Variants in TBX20 observed in about 807,000 individuals in gnomAD.
The protein encoded by TBX20 is T-box transcription factor 20.
A neutral mutation model predicts 42.9 loss-of-function variants in TBX20; 8 were observed. That is an observed-to-expected ratio of 0.19 (90% CI 0.11 to 0.34). The LOEUF (loss-of-function observed/expected upper bound fraction) is 0.34, where lower values mean the gene tolerates loss of function less well. Ranked by LOEUF, TBX20 falls within the 10% of genes least tolerant of loss-of-function variation. The probability of loss-of-function intolerance (pLI) is 1.00; values close to 1 mark genes in which losing one functional copy is unlikely to be tolerated. For synonymous variants in TBX20, 198 were observed against 222.8 expected, an observed-to-expected ratio of 0.89 and a Z score of 0.99; for missense variants, 411 against 566.0, an observed-to-expected ratio of 0.73 and a Z score of 2.78.
rs560009514 is a variant in TBX20, at chr7:35,246,120, T to C, written c.546-1063A>G. Among the ~76,000 whole-genome samples the C allele has an allele frequency of 5.9e-5, 9 of 152,342 alleles. No homozygotes were observed. The East Asian group carries it at 1.2e-3, about 20-fold the overall frequency. Reference sequence around the variant, plus strand: ...TGTAAAGAACAAGAAATCTGTTCCATGGTTTGTCACACAGAGGACTACGAA... The same window carrying C: ...TGTAAAGAACAAGAAATCTGTTCCACGGTTTGTCACACAGAGGACTACGAA... On this transcript the variant is annotated intron_variant, in intron 3 of 7. Transcript: ENST00000408931.
intron 6 of TBX20, among the ~76,000 whole-genome samples, chr7:35,213,389 G>T (rs1789530271): frequency 6.6e-6 from 1 of 152,158 alleles, no homozygotes; most frequent in South Asian, 2.1e-4. Context: ...ATTCCAATGA[G>T]CAGGCAAGTT....
intron 6 of TBX20, among the ~76,000 whole-genome samples, chr7:35,221,415 C>G (rs1379774050): frequency 6.6e-6 from 1 of 151,822 alleles, no homozygotes; most frequent in Non-Finnish European, 1.5e-5. Context: ...AATAAAAACA[C>G]TACAACTGAA....
intron 6 of TBX20, among the ~76,000 whole-genome samples, chr7:35,215,110 T>C (rs1180258341): frequency 6.6e-6 from 1 of 152,206 alleles, no homozygotes; most frequent in African/African-American, 2.4e-5. Context: ...GTGAAACATT[T>C]TGCTTTTCTG....
intron 1 of TBX20, among the ~76,000 whole-genome samples, chr7:35,252,875 C>G (rs990021626): frequency 5.9e-5 from 9 of 152,166 alleles, no homozygotes; most frequent in African/African-American, 2.2e-4. Flanking sequence ...AACAACATAA[C>G]TAAAAGTAGA....
intron 4 of TBX20, among the ~76,000 whole-genome samples, chr7:35,241,486 A>G (rs1474996961): frequency 7.6e-6 from 1 of 131,806 alleles, no homozygotes; most frequent in African/African-American, 2.6e-5. Flanking sequence ...GGGGTGTTAG[A>G]CAGACTTGGG....
At chr7:35,250,707 G>A (rs952532693) in intron 1 of TBX20, among the ~76,000 whole-genome samples, 11 of 152,172 alleles carry the variant, frequency 7.2e-5, no homozygotes, top group African/African-American at 2.7e-4. Context: ...CTCTCCATAA[G>A]AGAAAAGGAA....
intron 3 of TBX20, among the ~76,000 whole-genome samples, chr7:35,246,193 C>T (rs962296737): frequency 6.6e-6 from 1 of 152,106 alleles, no homozygotes; most frequent in African/African-American, 2.4e-5. Flanking sequence ...CCACCAGGAG[C>T]AATGCACAAA....
chr7:35,252,061 T>C (rs1175453545), intron 1 of TBX20, among the ~76,000 whole-genome samples: 1 of 152,060 alleles, frequency 6.6e-6, no homozygotes, highest in Non-Finnish European at 1.5e-5. Flanking sequence ...CTCAGAAAAA[T>C]AAAGAGAGAA....
At position 35,251,065 on chromosome 7, in the gene TBX20, G is replaced by C. The variant is rs80251673; in HGVS notation, c.128-862C>G. 5.2e-4 allele frequency among the ~76,000 whole-genome samples: 79 copies of C among 152,292 alleles called. 1 individual carries two copies. Among genetic ancestry groups the C allele is most frequent in the African/African-American group, 1.8e-3 (74 of 41,552 alleles). On this transcript the variant is annotated intron_variant, in intron 1 of 7. Coordinates refer to ENST00000408931, the MANE Select transcript of TBX20 (RefSeq NM_001077653.2). ...AAGAATGCTCTGCCATCCACCACCA[G>C]GTTGGAATACTGCTGCCTATGAACC...
rs2128715943 is a variant in TBX20, at chr7:35,248,741, G to A, written c.481C>T (p.Arg161Cys). ...DIVPVDNKRY[R>C]YAYHRSSWLV... ...CAGGAGGACCGGTGGTAGGCGTAGC[G>A]GTACCTCTTGTTGTCCACAGGGACG... Residue 161 changes from arginine to cysteine, a missense_variant, in exon 3 of 8, where the codon CGC becomes TGC. Physicochemically the swap from Arg to Cys is radical, Grantham distance 180. Coordinates refer to ENST00000408931, the MANE Select transcript of TBX20 (RefSeq NM_001077653.2). The A allele has an allele frequency of 6.2e-7, 1 of 1,614,074 alleles. No homozygotes were observed. Among genetic ancestry groups the A allele is most frequent in the Non-Finnish European group, 8.5e-7 (1 of 1,180,016 alleles).
chr7:35,230,328 T>C (rs2128713355), intron 6 of TBX20, among the ~76,000 whole-genome samples: 1 of 152,340 alleles, frequency 6.6e-6, no homozygotes, highest in Middle Eastern at 3.4e-3. Context: ...CTCTGGACTT[T>C]GCAATGGATT....
At chr7:35,250,564 G>A (rs904571860) in intron 1 of TBX20, among the ~76,000 whole-genome samples, 1 of 152,200 alleles carries the variant, frequency 6.6e-6, no homozygotes, top group Non-Finnish European at 1.5e-5. Context: ...TCTAGACTTC[G>A]TAGCTCATGG....
chr7:35,251,711 G>A (rs1251141496), intron 1 of TBX20, among the ~76,000 whole-genome samples: 1 of 152,162 alleles, frequency 6.6e-6, no homozygotes, highest in Admixed American at 6.5e-5. Context: ...CCTTTAAATA[G>A]ACTTTGTATG....
intron 6 of TBX20, among the ~76,000 whole-genome samples, chr7:35,209,730 T>C (rs1449937476): frequency 2.0e-5 from 3 of 152,238 alleles, no homozygotes; most frequent in Non-Finnish European, 2.9e-5. Flanking sequence ...TCCTAGTTTC[T>C]TGAGATGGAA....
chr7:35,211,634 A>G (rs1437193630), intron 6 of TBX20, among the ~76,000 whole-genome samples: 3 of 152,172 alleles, frequency 2.0e-5, no homozygotes, highest in African/African-American at 7.2e-5. Context: ...TCAGCTTATG[A>G]TGGTGTTATA....
rs1407566937 is a variant in TBX20, at chr7:35,253,844, G to A, written c.-224C>T. 1 of 582,614 alleles carries A rather than the reference G, an allele frequency of 1.7e-6. No homozygotes were observed. The highest frequency in any genetic ancestry group is 3.0e-6 in the Non-Finnish European group (1 of 336,882). 36.1% of individuals were successfully genotyped at this position (582,614 alleles called of 1,614,324 possible). On this transcript the variant is annotated 5_prime_UTR_variant, in exon 1 of 8. Transcript: ENST00000408931. ...CGCAGAGACTTCGAAGGCAGCCGGA[G>A]AGGAGAGGGCCCACCGAGCACTACG... is the stretch of plus-strand genomic sequence containing the variant.
chr7:35,216,951 T>C (rs1406234297), intron 6 of TBX20, among the ~76,000 whole-genome samples: 1 of 152,176 alleles, frequency 6.6e-6, no homozygotes, highest in Admixed American at 6.5e-5. Context: ...TAAAGATTGA[T>C]ACAGATATAT....
intron 6 of TBX20, among the ~76,000 whole-genome samples, chr7:35,229,707 A>G (rs575992905): frequency 6.6e-6 from 1 of 152,224 alleles, no homozygotes; most frequent in South Asian, 2.1e-4. Flanking sequence ...TTTTTACTCT[A>G]GGAGTAGTTT....
At chr7:35,229,998 TC>T (rs1562562652) in intron 6 of TBX20, among the ~76,000 whole-genome samples, 1 of 151,848 alleles carries the variant, frequency 6.6e-6, no homozygotes, top group Non-Finnish European at 1.5e-5. Flanking sequence ...TTTTTTTTTC[TC>T]CCAATATATC....
Sources: allele counts gnomAD v4.1 joint callset (sites outside exome capture counted in the v4.1 genomes callset), GRCh38; gene constraint gnomAD v4.1.1; transcripts MANE v1.5; gene names NCBI Gene and HGNC (gene_info 2026-07-23, HGNC 2026-07-21).